CACNA2D3: variants seen among roughly 807,000 people sequenced by gnomAD.
CACNA2D3 encodes the protein voltage-dependent calcium channel subunit alpha-2/delta-3.
A neutral mutation model predicts 160.6 loss-of-function variants in CACNA2D3; 60 were observed. That is an observed-to-expected ratio of 0.37 (90% CI 0.30 to 0.46). CACNA2D3 has a LOEUF of 0.46. Ranked by LOEUF, CACNA2D3 falls within the 20% of genes least tolerant of loss-of-function variation. The pLI is 1.00. For synonymous variants in CACNA2D3, 558 were observed against 492.9 expected (o/e 1.13, Z -1.75); for missense variants, 1,205 against 1,365.0 (o/e 0.88, Z 1.85).
chr3:54,345,910 A>G (rs1698449856), intron 3 of CACNA2D3, among the ~76,000 whole-genome samples: 1 of 151,788 alleles, frequency 6.6e-6, no homozygotes, highest in Admixed American at 6.6e-5. Context: ...GTTTTCTGTT[A>G]AATAAATACA....
At position 54,887,605 on chromosome 3, in the gene CACNA2D3, G is replaced by A. The variant is rs1699955763; in HGVS notation, c.2057-354G>A. ...TTTAGGAGAGGACAGAGATGGGGAT[G>A]ATGACAGCCAAGTGTTCAAGGAGTA... On this transcript the variant is annotated intron_variant, in intron 23 of 37. Coordinates refer to ENST00000474759, the MANE Select transcript of CACNA2D3 (RefSeq NM_018398.3). 2.6e-5 allele frequency among the ~76,000 whole-genome samples: 4 copies of A among 152,154 alleles called. No homozygotes were observed. In the South Asian group the frequency reaches 8.3e-4, roughly 32 times the overall value.
chr3:54,589,388 C>T (rs1045315724), intron 9 of CACNA2D3, among the ~76,000 whole-genome samples: 1 of 151,890 alleles, frequency 6.6e-6, no homozygotes, highest in African/African-American at 2.4e-5. Context: ...ACATTTAACT[C>T]AAACGGATCA....
At chr3:54,876,515 A>C (rs994109215) in intron 18 of CACNA2D3, among the ~76,000 whole-genome samples, 1 of 152,252 alleles carries the variant, frequency 6.6e-6, no homozygotes, top group Non-Finnish European at 1.5e-5. Context: ...TGACGTGGTC[A>C]ATTGTTAAAA....
chr3:55,038,864 C>CTATATATATATATATATATATATA (rs10576329), intron 35 of CACNA2D3, among the ~76,000 whole-genome samples: 4 of 99,084 alleles, frequency 4.0e-5, no homozygotes, highest in Admixed American at 2.4e-4. Context: ...AGCCAGGATG[C>CTATATATATATATATATATATATA]TATATATATA....
chr3:54,626,551 C>G (rs1699110474), intron 9 of CACNA2D3: 4 of 1,600,172 alleles, frequency 2.5e-6, no homozygotes, highest in Non-Finnish European at 2.6e-6. Context: ...GATGATCGAC[C>G]ACTACCTGGG....
At chr3:54,676,408 A>C (rs2106906504) in intron 11 of CACNA2D3, among the ~76,000 whole-genome samples, 1 of 152,208 alleles carries the variant, frequency 6.6e-6, no homozygotes, top group Non-Finnish European at 1.5e-5. Context: ...GGTCTCGGTA[A>C]GACCTCTGTA....
At chr3:54,891,561 C>A in intron 25 of CACNA2D3, 111 bp downstream of exon 25, 1 of 802,002 alleles carries the variant, frequency 1.2e-6, no homozygotes, top group Non-Finnish European at 2.0e-6. Flanking sequence ...ATAATTTAGG[C>A]CACCCCAGGC....
intron 29 of CACNA2D3, among the ~76,000 whole-genome samples, chr3:54,973,507 G>A (rs1347222563): frequency 6.6e-6 from 1 of 152,146 alleles, no homozygotes; most frequent in Non-Finnish European, 1.5e-5. Flanking sequence ...AGGAATAGAG[G>A]CTAATAACCC....
chr3:54,614,961 A>G (rs1321237520), intron 9 of CACNA2D3, among the ~76,000 whole-genome samples: 1 of 152,190 alleles, frequency 6.6e-6, no homozygotes, highest in African/African-American at 2.4e-5. Flanking sequence ...TGATGATACT[A>G]AAAAAGAAAA....
At chr3:54,815,821 G>C (rs193199678) in intron 13 of CACNA2D3, among the ~76,000 whole-genome samples, 1 of 152,312 alleles carries the variant, frequency 6.6e-6, no homozygotes, top group East Asian at 1.9e-4. Flanking sequence ...CTGGTGACAA[G>C]TTCACACTCG....
chr3:54,570,233 C>T (rs906377100), intron 8 of CACNA2D3, 129 bp downstream of exon 8: 4 of 977,626 alleles, frequency 4.1e-6, no homozygotes, highest in Non-Finnish European at 6.2e-6. Context: ...TGGTTAGTCT[C>T]ATGAAAGTTG....
chr3:55,002,323 G>A (rs17054677), intron 31 of CACNA2D3, among the ~76,000 whole-genome samples: 23,611 of 152,184 alleles, frequency 0.16, 2,121 homozygotes, highest in East Asian at 0.32. Context: ...TGTAGAGACA[G>A]CATTGGGCAG....
At chr3:54,401,069 C>A (rs563831085) in intron 4 of CACNA2D3, among the ~76,000 whole-genome samples, 17 of 151,908 alleles carry the variant, frequency 1.1e-4, no homozygotes, top group Non-Finnish European at 1.6e-4. Flanking sequence ...AAATAAAAAT[C>A]TTGGAGCTGA....
intron 28 of CACNA2D3, among the ~76,000 whole-genome samples, chr3:54,969,139 G>T (rs1360516936): frequency 3.3e-5 from 5 of 151,494 alleles, no homozygotes; most frequent in Non-Finnish European, 5.9e-5. Flanking sequence ...GATGGACAGG[G>T]GTTTTTTAAA....
chr3:54,626,026 A>G (rs1021111307), intron 9 of CACNA2D3, among the ~76,000 whole-genome samples: 9 of 152,150 alleles, frequency 5.9e-5, no homozygotes, highest in African/African-American at 2.2e-4. Context: ...TCATGGGTGG[A>G]TATTTTCCAT....
intron 11 of CACNA2D3, among the ~76,000 whole-genome samples, chr3:54,751,829 G>A (rs995359316): frequency 1.3e-5 from 2 of 152,018 alleles, no homozygotes; most frequent in African/African-American, 4.8e-5. Context: ...TGGACTGTGT[G>A]GCATTGACCC....
intron 13 of CACNA2D3, among the ~76,000 whole-genome samples, chr3:54,766,990 A>G (rs1228748958): frequency 1.3e-5 from 2 of 151,364 alleles, no homozygotes; most frequent in Non-Finnish European, 2.9e-5. Flanking sequence ...AACCAACAGA[A>G]CTGGTTACCA....
chr3:54,516,026 A>C (rs1489767482), intron 5 of CACNA2D3, among the ~76,000 whole-genome samples: 1 of 152,182 alleles, frequency 6.6e-6, no homozygotes, highest in Admixed American at 6.5e-5. Flanking sequence ...ATCCATTGTC[A>C]AAGGCCACAT....
intron 4 of CACNA2D3, among the ~76,000 whole-genome samples, chr3:54,418,233 T>G (rs914128835): frequency 2.0e-5 from 3 of 152,238 alleles, no homozygotes; most frequent in Non-Finnish European, 4.4e-5. Context: ...AAGCCTTTGC[T>G]TTGACTTACT....
Sources: gnomAD v4.1 joint callset for allele counts (sites outside exome capture counted in the v4.1 genomes callset) on GRCh38, gnomAD v4.1.1 for gene constraint, MANE v1.5 for transcripts, NCBI Gene and HGNC (gene_info 2026-07-23, HGNC 2026-07-21) for gene names.